The following ANO6 variants were observed in gnomAD, a reference collection of about 807,000 sequenced individuals.
ANO6 encodes the protein anoctamin-6.
A neutral mutation model predicts 117.5 loss-of-function variants in ANO6; 106 were observed. That is an observed-to-expected ratio of 0.90 (90% CI 0.77 to 1.06). ANO6 has a LOEUF of 1.06. Ranked by LOEUF, ANO6 falls within the 50% of genes least tolerant of loss-of-function variation. The pLI is 0.00. For synonymous variants in ANO6, 367 were observed against 385.1 expected, an observed-to-expected ratio of 0.95 and a Z score of 0.55; for missense variants, 955 against 1,121.1, an observed-to-expected ratio of 0.85 and a Z score of 2.12.
intron 15 of ANO6, among the ~76,000 whole-genome samples, chr12:45,407,671 A>G (rs1439694271): frequency 6.6e-6 from 1 of 152,158 alleles, no homozygotes; most frequent in Non-Finnish European, 1.5e-5. Context: ...AATATAGGCC[A>G]TATTTACACT....
chr12:45,320,433 G>C (rs1940219619), intron 2 of ANO6, among the ~76,000 whole-genome samples: 1 of 152,174 alleles, frequency 6.6e-6, no homozygotes, highest in African/African-American at 2.4e-5. Flanking sequence ...GCGGTTTTGA[G>C]TGAGTTTCTT....
intron 1 of ANO6, among the ~76,000 whole-genome samples, chr12:45,272,735 C>T (rs1217603799): frequency 6.6e-6 from 1 of 152,106 alleles, no homozygotes; most frequent in South Asian, 2.1e-4. Flanking sequence ...TTATGGAAAA[C>T]AGTATGAAGA....
intron 1 of ANO6, among the ~76,000 whole-genome samples, chr12:45,284,051 T>C (rs1938828518): frequency 6.6e-6 from 1 of 152,250 alleles, no homozygotes; most frequent in South Asian, 2.1e-4. Context: ...TTAGATGATA[T>C]GGAAACCTTC....
rs974836465 is a variant in ANO6 at position 45,307,902 on chromosome 12, G to A, written c.150+5809G>A. Reference sequence around the variant, plus strand: ...AATTGACCATTGTATTTAACAATAGGGAAAAGACCATGACAGGAGGGGTTT... The same window carrying A: ...AATTGACCATTGTATTTAACAATAGAGAAAAGACCATGACAGGAGGGGTTT... On this transcript the variant is annotated intron_variant, in intron 2 of 19. Coordinates refer to ENST00000320560, the MANE Select transcript of ANO6 (RefSeq NM_001025356.3). Among the ~76,000 whole-genome samples the A allele has an allele frequency of 2.6e-5, 4 of 152,098 alleles. No homozygotes were observed. In the East Asian group the frequency reaches 5.8e-4, roughly 22 times the overall value.
chr12:45,313,193 T>C (rs1332961978), intron 2 of ANO6: 1 of 152,072 alleles, frequency 6.6e-6, no homozygotes, highest in Non-Finnish European at 1.5e-5. Context: ...TTTTCCTTTT[T>C]TGTAGGTGAA....
chr12:45,271,015 C>T (rs561002857), intron 1 of ANO6, among the ~76,000 whole-genome samples: 53 of 152,248 alleles, frequency 3.5e-4, no homozygotes, highest in Middle Eastern at 6.8e-3. Flanking sequence ...CCACCATGCC[C>T]GGCTGCAAAA....
intron 2 of ANO6, among the ~76,000 whole-genome samples, chr12:45,313,966 C>T (rs544079539): frequency 1.3e-5 from 2 of 151,868 alleles, no homozygotes; most frequent in Non-Finnish European, 2.9e-5. Flanking sequence ...TCAACTTTAC[C>T]CACAGGGCCA....
intron 2 of ANO6, among the ~76,000 whole-genome samples, chr12:45,314,457 TA>T (rs1204662167): frequency 1.1e-5 from 1 of 86,984 alleles, no homozygotes; most frequent in Non-Finnish European, 2.4e-5. Flanking sequence ...AAAAAAAAAT[TA>T]TATATATATT....
At chr12:45,320,431 G>C (rs562527496) in intron 2 of ANO6, among the ~76,000 whole-genome samples, 1 of 152,244 alleles carries the variant, frequency 6.6e-6, no homozygotes, top group East Asian at 1.9e-4. Context: ...GAGCGGTTTT[G>C]AGTGAGTTTC....
intron 1 of ANO6, among the ~76,000 whole-genome samples, chr12:45,258,262 T>G (rs2137204244): frequency 6.6e-6 from 1 of 152,306 alleles, no homozygotes; most frequent in South Asian, 2.1e-4. Context: ...AATACTTAAT[T>G]TTAGCAAAAT....
intron 2 of ANO6, among the ~76,000 whole-genome samples, chr12:45,319,918 G>A (rs1021357093): frequency 5.9e-5 from 9 of 152,168 alleles, no homozygotes; most frequent in Non-Finnish European, 1.2e-4. Context: ...AGTGTTTGTA[G>A]TATTCTCTGA....
intron 1 of ANO6, among the ~76,000 whole-genome samples, chr12:45,235,249 G>T (rs1476390288): frequency 1.3e-5 from 2 of 152,184 alleles, no homozygotes; most frequent in African/African-American, 2.4e-5. Flanking sequence ...GTACTTTTCT[G>T]TTCCCTTCTT....
At chr12:45,329,376 T>G (rs1940586285) in intron 2 of ANO6, among the ~76,000 whole-genome samples, 1 of 152,142 alleles carries the variant, frequency 6.6e-6, no homozygotes, top group Non-Finnish European at 1.5e-5. Flanking sequence ...TAGTACCATA[T>G]TGGAGTTTGA....
chr12:45,221,005 G>A (rs1334857771), intron 1 of ANO6, among the ~76,000 whole-genome samples: 1 of 152,140 alleles, frequency 6.6e-6, no homozygotes, highest in African/African-American at 2.4e-5. Context: ...ATTTGTAGCC[G>A]GTGGGTCAGA....
Position 45,317,113 on chromosome 12 carries a change from G to GTGTGTGTGTGTATATATATATA in ANO6, c.151-14181_151-14180insGTGTGTGTGTATATATATATAT. On this transcript the variant is annotated intron_variant, in intron 2 of 19. Transcript: ENST00000320560. The stretch of plus-strand genomic sequence containing the variant: ...AAAGACAGCTGGATTCTTTTTATAT[G>GTGTGTGTGTGTATATATATATA]TATATATATATATATATATTTATTA... Among the ~76,000 whole-genome samples the GTGTGTGTGTGTATATATATATA allele has an allele frequency of 2.3e-4, 15 of 66,442 alleles. 1 individual carries two copies. Among genetic ancestry groups the GTGTGTGTGTGTATATATATATA allele is most frequent in the South Asian group, 5.8e-4 (1 of 1,716 alleles). 43.6% of individuals were successfully genotyped at this position (66,442 alleles called of 152,430 possible).
At chr12:45,335,838 TC>T (rs1940808625) in intron 3 of ANO6, among the ~76,000 whole-genome samples, 1 of 152,010 alleles carries the variant, frequency 6.6e-6, no homozygotes. Context: ...GTAAAAGAAG[TC>T]TATTGATTTC....
Position 45,232,316 on chromosome 12 carries a change from A to G in ANO6, c.70+15925A>G, listed in dbSNP as rs994655734. ...GTTAGGTACTAGAAATTGAGCAACA[A>G]AGAAGACTGAAGTGGCCCCTGTTCT... On this transcript the variant is annotated intron_variant, in intron 1 of 19. Coordinates refer to ENST00000320560, the MANE Select transcript of ANO6 (RefSeq NM_001025356.3). Among the ~76,000 whole-genome samples, 8 of 152,196 alleles carry G rather than the reference A, an allele frequency of 5.3e-5. No individual in the cohort carries two copies. The East Asian group carries it at 9.6e-4, about 18-fold the overall frequency.
chr12:45,240,998 C>T (rs769427054), intron 1 of ANO6, among the ~76,000 whole-genome samples: 29 of 152,312 alleles, frequency 1.9e-4, no homozygotes, highest in Non-Finnish European at 4.3e-4. Context: ...TCCTTCATTT[C>T]AACCTTGGTG....
intron 1 of ANO6, among the ~76,000 whole-genome samples, chr12:45,258,826 G>A (rs1224498063): frequency 1.3e-5 from 2 of 152,202 alleles, no homozygotes; most frequent in Non-Finnish European, 1.5e-5. Context: ...AATAGAGACT[G>A]TAAACTACGA....
Sources: allele counts gnomAD v4.1 joint callset (sites outside exome capture counted in the v4.1 genomes callset), GRCh38; gene constraint gnomAD v4.1.1; transcripts MANE v1.5; gene names NCBI Gene and HGNC (gene_info 2026-07-23, HGNC 2026-07-21).